The following SMPDL3A variants were observed in gnomAD, a reference collection of about 807,000 sequenced individuals.
The protein encoded by SMPDL3A is cyclic GMP-AMP phosphodiesterase SMPDL3A.
SMPDL3A carries 39 observed loss-of-function variants against 38.5 expected under a neutral mutation model. The observed-to-expected ratio is 1.01, with a 90% CI of 0.78 to 1.32. The LOEUF is 1.32. SMPDL3A is among the 40% of genes most tolerant of loss of function. SMPDL3A has a pLI of 0.00. For missense variants in SMPDL3A, 502 were observed against 536.2 expected (o/e 0.94, Z 0.63); for synonymous variants, 180 against 194.3 (o/e 0.93, Z 0.61).
intron 4 of SMPDL3A, 53 bp from the exon 5 acceptor site, chr6:122,803,611 G>A: frequency 1.4e-6 from 2 of 1,405,598 alleles, no homozygotes; most frequent in South Asian, 2.5e-5. Context: ...CTTTCACAAT[G>A]TTTGTGTGTA....
At chr6:122,805,401 A>G (rs1562355318) in intron 6 of SMPDL3A, among the ~76,000 whole-genome samples, 1 of 152,204 alleles carries the variant, frequency 6.6e-6, no homozygotes, top group Non-Finnish European at 1.5e-5. Context: ...GTTTAAAGAA[A>G]TATCACTCTA....
intron 1 of SMPDL3A, among the ~76,000 whole-genome samples, chr6:122,794,755 G>C (rs1781188389): frequency 6.6e-6 from 1 of 152,098 alleles, no homozygotes. Flanking sequence ...TATGATAGAA[G>C]ATGTACCTCT....
rs555016615 is a variant in SMPDL3A at position 122,800,933 on chromosome 6, T to C, written c.472-377T>C. Among the ~76,000 whole-genome samples the C allele has an allele frequency of 4.6e-5, 7 of 152,126 alleles. No individual in the cohort carries two copies. The South Asian group carries it at 8.3e-4, about 18-fold the overall frequency. On this transcript the variant is annotated intron_variant, in intron 3 of 7. Transcript: ENST00000368440. ...GCCTGGGTAATTTTTGTGTTTGTAG[T>C]AGAGATGGGGTTTCACCATATTGGC...
At chr6:122,795,354 G>A (rs560224196) in intron 1 of SMPDL3A, among the ~76,000 whole-genome samples, 3 of 152,204 alleles carry the variant, frequency 2.0e-5, no homozygotes, top group South Asian at 2.1e-4. Context: ...TGTTGGCCAG[G>A]TTGGTCTCGA....
Position 122,796,979 on chromosome 6 carries a change from TAG to T in SMPDL3A, c.471+13_471+14del. On this transcript the variant is annotated intron_variant, in intron 3 of 7. Coordinates refer to ENST00000368440, the MANE Select transcript of SMPDL3A (RefSeq NM_006714.5). Reference sequence around the variant, plus strand: ...GACTATTGGCCACAGGTAAATTTGATAGACTTTCAGAAATGCTTAAAGAATTT... The same window carrying T: ...GACTATTGGCCACAGGTAAATTTGATACTTTCAGAAATGCTTAAAGAATTT... 2 of 1,606,510 alleles carry T rather than the reference TAG, an allele frequency of 1.2e-6. No homozygotes were observed. The highest frequency in any genetic ancestry group is 1.7e-6 in the Non-Finnish European group (2 of 1,177,434).
In SMPDL3A at chr6:122,809,216, A is replaced by T; in HGVS notation, c.1170A>T (p.Gly390=). ...IEDLQPESLY[G]LAKQFTILDS... is the part of the protein sequence containing the mutation. ...ATTTGCAGCCGGAAAGTTTATATGG[A>T]TTAGCTAAACAATTTACAATCCTAG... is the stretch of plus-strand genomic sequence containing the variant. The change falls in exon 8 of 8, where the codon GGA becomes GGT. Residue 390 remains glycine, a synonymous_variant. Coordinates refer to ENST00000368440, the MANE Select transcript of SMPDL3A (RefSeq NM_006714.5). 6.2e-7 allele frequency: 1 copy of T among 1,614,210 alleles called. No homozygotes were observed.
intron 7 of SMPDL3A, 109 bp from the exon 8 acceptor site, chr6:122,808,982 C>A: frequency 9.1e-6 from 8 of 879,566 alleles, no homozygotes; most frequent in Non-Finnish European, 1.2e-5. Flanking sequence ...GCGTGAGCCA[C>A]AGCGCCAAGC....
chr6:122,808,134 A>G (rs1781697165), intron 7 of SMPDL3A, among the ~76,000 whole-genome samples: 1 of 152,138 alleles, frequency 6.6e-6, no homozygotes, highest in South Asian at 2.1e-4. Context: ...ATATAGTAAG[A>G]CTCCATTTTT....
intron 1 of SMPDL3A, chr6:122,789,882 A>G (rs1269915544): frequency 2.0e-6 from 2 of 983,986 alleles, no homozygotes; most frequent in Admixed American, 6.2e-5. Context: ...ATGGAGGGGG[A>G]CTGCAGTTTC....
chr6:122,797,290 T>A, intron 3 of SMPDL3A: 1 of 228,512 alleles, frequency 4.4e-6, no homozygotes, highest in Admixed American at 5.5e-5. Flanking sequence ...TTCATTTGCA[T>A]GTCCATGACA....
At position 122,797,760 on chromosome 6, in the gene SMPDL3A, A is replaced by G. The variant is rs77533298; in HGVS notation, c.471+792A>G. 6.1e-3 allele frequency among the ~76,000 whole-genome samples: 928 copies of G among 152,254 alleles called. 9 individuals carry two copies. The highest frequency in any genetic ancestry group is 0.021 in the African/African-American group (870 of 41,544). On this transcript the variant is annotated intron_variant, in intron 3 of 7. Coordinates refer to ENST00000368440, the MANE Select transcript of SMPDL3A (RefSeq NM_006714.5). ...ACAGCTATGTTTCCATTCATTCTAC[A>G]TTGCTTTTGATTGTTTCATGTTTCA...
rs534365241 is a variant in SMPDL3A, at chr6:122,802,550, T to C, written c.569-1114T>C. Among the ~76,000 whole-genome samples the C allele has an allele frequency of 5.9e-5, 9 of 152,282 alleles. No homozygotes were observed. In the South Asian group the frequency reaches 1.4e-3, roughly 25 times the overall value. Reference sequence around the variant, plus strand: ...TCCTACAAGACACGTGGAGAGCTTATGCAGGTTGAAGGGAGAGCCATAAAG... The same window carrying C: ...TCCTACAAGACACGTGGAGAGCTTACGCAGGTTGAAGGGAGAGCCATAAAG... On this transcript the variant is annotated intron_variant, in intron 4 of 7. Transcript: ENST00000368440.
At chr6:122,795,039 A>G (rs1781197699) in intron 1 of SMPDL3A, among the ~76,000 whole-genome samples, 2 of 152,254 alleles carry the variant, frequency 1.3e-5, no homozygotes, top group African/African-American at 4.8e-5. Context: ...AGATGATGTC[A>G]TCATTGGCCT....
chr6:122,795,846 T>C lies in SMPDL3A; in HGVS notation c.282T>C (p.Phe94=), dbSNP rs1206807411. 1.2e-6 allele frequency: 2 copies of C among 1,614,042 alleles called. No individual in the cohort carries two copies. The highest frequency in any genetic ancestry group is 1.7e-6 in the Non-Finnish European group (2 of 1,180,010). Residue 94 remains phenylalanine, a synonymous_variant, in exon 2 of 8, where the codon TTT becomes TTC. Transcript: ENST00000368440. ...PYQLILSAFD[F]IKNSGQEASF... ...AACTTATTTTGTCAGCATTTGATTT[T>C]ATTAAAAATTCTGGACAAGAAGCAT...
In SMPDL3A at chr6:122,809,399, C is replaced by G. The variant is rs1781776281; in HGVS notation, c.1353C>G (p.His451Gln). ...ADCLKQLYIK[H>Q]NY ...GCCTCAAACAGCTTTATATAAAGCA[C>G]AATTACTAGTATTTCACAGTTTTTG... Residue 451 changes from histidine (H) to glutamine (Q), a missense_variant, in exon 8 of 8, where the codon CAC (histidine) becomes CAG (glutamine). His to Gln is a conservative substitution (Grantham distance 24, BLOSUM62 0). Transcript: ENST00000368440. 6.2e-7 allele frequency: 1 copy of G among 1,600,086 alleles called. No homozygotes were observed. The highest frequency in any genetic ancestry group is 1.3e-5 in the African/African-American group (1 of 74,462).
Position 122,796,880 on chromosome 6 carries a change from T to TCTATA in SMPDL3A, c.383_384insCTATA (p.Ile129TyrfsTer6). On this transcript the variant is annotated frameshift_variant, in exon 3 of 8. Transcript: ENST00000368440. LOFTEE classifies it high-confidence loss of function. The stretch of plus-strand genomic sequence containing the variant: ...CTCTCAACAGACACTGTTATAAATG[T>TCTATA]GATCACTAATATGACAACCACCATC... 6.2e-7 allele frequency: 1 copy of TCTATA among 1,612,984 alleles called. No individual in the cohort carries two copies. Among genetic ancestry groups the TCTATA allele is most frequent in the Non-Finnish European group, 8.5e-7 (1 of 1,178,982 alleles).
chr6:122,807,862 A>AT (rs1264412755), intron 7 of SMPDL3A, among the ~76,000 whole-genome samples: 5 of 152,064 alleles, frequency 3.3e-5, no homozygotes, highest in African/African-American at 1.2e-4. Context: ...GTCCAAAAGA[A>AT]TTTTTTCTAC....
At chr6:122,806,384 C>A (rs761410949) in intron 7 of SMPDL3A, 27 bp downstream of exon 7, 16 of 1,581,314 alleles carry the variant, frequency 1.0e-5, no homozygotes, top group Non-Finnish European at 1.7e-6. Flanking sequence ...CAGAGCTGAC[C>A]CCATATTTAT....
chr6:122,807,313 A>G (rs1475487723), intron 7 of SMPDL3A, among the ~76,000 whole-genome samples: 1 of 152,172 alleles, frequency 6.6e-6, no homozygotes, highest in Non-Finnish European at 1.5e-5. Context: ...ATTGGCTGAC[A>G]CGGTGAAACC....
Sources: allele counts gnomAD v4.1 joint callset (sites outside exome capture counted in the v4.1 genomes callset), GRCh38; gene constraint gnomAD v4.1.1; transcripts MANE v1.5; gene names NCBI Gene and HGNC (gene_info 2026-07-23, HGNC 2026-07-21).